The following KIAA0825 variants were observed in gnomAD, a reference collection of about 807,000 sequenced individuals.
KIAA0825 encodes the protein uncharacterized protein KIAA0825.
A neutral mutation model predicts 147.6 loss-of-function variants in KIAA0825; 119 were observed. The observed-to-expected ratio is 0.81, with a 90% CI of 0.69 to 0.94. The LOEUF is 0.94. Ranked by LOEUF, KIAA0825 falls within the 40% of genes least tolerant of loss-of-function variation. The probability of loss-of-function intolerance (pLI) is 0.00; values close to 1 mark genes in which losing one functional copy is unlikely to be tolerated. For missense variants in KIAA0825, 1,381 were observed against 1,472.7 expected, an observed-to-expected ratio of 0.94 and a Z score of 1.02; for synonymous variants, 470 against 518.1, an observed-to-expected ratio of 0.91 and a Z score of 1.26.
intron 17 of KIAA0825, among the ~76,000 whole-genome samples, chr5:94,391,951 A>G (rs1362686555): frequency 6.6e-6 from 1 of 152,264 alleles, no homozygotes; most frequent in African/African-American, 2.4e-5. Context: ...ACTCCTATCT[A>G]TAAAACATTT....
intron 20 of KIAA0825, among the ~76,000 whole-genome samples, chr5:94,368,071 C>T (rs1252184064): frequency 6.6e-6 from 1 of 152,148 alleles, no homozygotes; most frequent in East Asian, 1.9e-4. Context: ...TATAGACCTC[C>T]TCATTGTGAC....
chr5:94,219,700 A>G lies in KIAA0825; in HGVS notation c.3711-65576T>C, dbSNP rs146137310. ...TATTGGAATACTGTAGGTCATTGTA[A>G]CACACTGGTAATTGTGTGTCTAAAC... On this transcript the variant is annotated intron_variant, in intron 20 of 20. Coordinates refer to ENST00000682413, the MANE Select transcript of KIAA0825 (RefSeq NM_001145678.3). Among the ~76,000 whole-genome samples the G allele has an allele frequency of 8.0e-3, 1,220 of 152,268 alleles. 26 individuals are homozygous for G. Among genetic ancestry groups the G allele is most frequent in the Non-Finnish European group, 6.3e-3 (428 of 68,016 alleles).
intron 2 of KIAA0825, among the ~76,000 whole-genome samples, chr5:94,557,854 G>A (rs73145094): frequency 6.6e-6 from 1 of 151,964 alleles, no homozygotes; most frequent in African/African-American, 2.4e-5. Flanking sequence ...CTCTTTTCTG[G>A]TCCCTGTTTG....
chr5:94,297,151 C>T (rs1377810864), intron 20 of KIAA0825, among the ~76,000 whole-genome samples: 1 of 152,136 alleles, frequency 6.6e-6, no homozygotes, highest in Non-Finnish European at 1.5e-5. Flanking sequence ...CATGGAAACT[C>T]GGCTGCATGT....
intron 20 of KIAA0825, among the ~76,000 whole-genome samples, chr5:94,184,531 C>T (rs1369167445): frequency 6.6e-6 from 1 of 152,122 alleles, no homozygotes; most frequent in Non-Finnish European, 1.5e-5. Flanking sequence ...AATGTTTTAT[C>T]TGCTTTTTGT....
chr5:94,220,795 C>G (rs764514510), intron 20 of KIAA0825, among the ~76,000 whole-genome samples: 1 of 152,148 alleles, frequency 6.6e-6, no homozygotes, highest in Non-Finnish European at 1.5e-5. Flanking sequence ...TGATCTGGTT[C>G]TTTTATACAT....
chr5:94,324,087 G>A (rs1029020687), intron 20 of KIAA0825, among the ~76,000 whole-genome samples: 4 of 151,924 alleles, frequency 2.6e-5, no homozygotes, highest in Admixed American at 6.6e-5. Context: ...TGACACCTTC[G>A]TCTTTCGTGG....
intron 15 of KIAA0825, 130 bp from the exon 16 acceptor site, chr5:94,403,923 AATC>A (rs1483564874): frequency 6.6e-5 from 45 of 686,642 alleles, no homozygotes; most frequent in Admixed American, 4.4e-4. Context: ...TTAACCAAGA[AATC>A]ATATGATTGA....
intron 10 of KIAA0825, among the ~76,000 whole-genome samples, chr5:94,466,998 G>A (rs76769509): frequency 2.6e-5 from 4 of 151,994 alleles, no homozygotes; most frequent in Non-Finnish European, 4.4e-5. Flanking sequence ...TTATTATAAC[G>A]TGATCAAAAT....
intron 20 of KIAA0825, among the ~76,000 whole-genome samples, chr5:94,194,143 A>G (rs1770917197): frequency 6.6e-6 from 1 of 152,128 alleles, no homozygotes; most frequent in African/African-American, 2.4e-5. Flanking sequence ...TATTTTTCCT[A>G]GGAGAGGAAG....
chr5:94,513,411 A>G (rs1257765013), intron 5 of KIAA0825, among the ~76,000 whole-genome samples: 1 of 152,218 alleles, frequency 6.6e-6, no homozygotes, highest in Non-Finnish European at 1.5e-5. Context: ...TAGAGGATAT[A>G]GCAAGTGAAA....
chr5:94,334,174 TA>T (rs2150303153), intron 20 of KIAA0825, among the ~76,000 whole-genome samples: 1 of 152,202 alleles, frequency 6.6e-6, no homozygotes, highest in African/African-American at 2.4e-5. Context: ...GACCATAAAC[TA>T]TGCTTTTTAA....
chr5:94,608,470 A>G (rs376705583), intron 1 of KIAA0825, among the ~76,000 whole-genome samples: 7,196 of 17,748 alleles, frequency 0.41, 1,938 homozygotes, highest in South Asian at 0.53. Flanking sequence ...TATATTATAT[A>G]TATAATATAT....
chr5:94,486,930 G>A (rs147576274), intron 5 of KIAA0825, among the ~76,000 whole-genome samples: 11 of 152,182 alleles, frequency 7.2e-5, no homozygotes, highest in Non-Finnish European at 1.2e-4. Context: ...AGGAAAGGCC[G>A]CTCAATAGTT....
chr5:94,200,979 ATATATG>A (rs1562309754), intron 20 of KIAA0825, among the ~76,000 whole-genome samples: 3 of 135,240 alleles, frequency 2.2e-5, no homozygotes, highest in Non-Finnish European at 3.2e-5. Context: ...ATATATATAT[ATATATG>A]TATATCAGGA....
At chr5:94,243,077 G>A (rs1195718045) in intron 20 of KIAA0825, among the ~76,000 whole-genome samples, 2 of 152,154 alleles carry the variant, frequency 1.3e-5, no homozygotes, top group Non-Finnish European at 2.9e-5. Context: ...TAGAAACAAC[G>A]GAAGCCTCAG....
In KIAA0825 at chr5:94,473,441, T is replaced by C. The variant is rs1470553049; in HGVS notation, c.1306A>G (p.Ile436Val). The change falls in exon 8 of 21, where the codon ATT (isoleucine) becomes GTT (valine). Residue 436 changes from isoleucine (I) to valine (V), a missense_variant. Transcript: ENST00000682413. ...AGAATTTTTGTGGAAAAACCTTCAATTGCAGTTACTACGCAGTGCGCCATG... is the reference window on the plus strand; with the variant it reads ...AGAATTTTTGTGGAAAAACCTTCAACTGCAGTTACTACGCAGTGCGCCATG... The part of the protein sequence containing the change: ...LPMAHCVVTA[I>V]EGFSTKILQQ... 10 of 1,551,962 alleles carry C rather than the reference T, an allele frequency of 6.4e-6. No individual in the cohort carries two copies. In the East Asian group the frequency reaches 7.3e-5, roughly 11 times the overall value.
intron 20 of KIAA0825, among the ~76,000 whole-genome samples, chr5:94,203,758 C>A (rs1191357321): frequency 6.6e-6 from 1 of 152,074 alleles, no homozygotes; most frequent in African/African-American, 2.4e-5. Flanking sequence ...TCCTCATCTC[C>A]TTCCCATATA....
chr5:94,264,740 T>A (rs1368373499), intron 20 of KIAA0825, among the ~76,000 whole-genome samples: 1 of 152,040 alleles, frequency 6.6e-6, no homozygotes, highest in Non-Finnish European at 1.5e-5. Flanking sequence ...TTCCCTTAGA[T>A]CTACATGGTT....
Sources: gnomAD v4.1 joint callset for allele counts (sites outside exome capture counted in the v4.1 genomes callset) on GRCh38, gnomAD v4.1.1 for gene constraint, MANE v1.5 for transcripts, NCBI Gene and HGNC (gene_info 2026-07-23, HGNC 2026-07-21) for gene names.